A2M: variants seen among roughly 807,000 people sequenced by gnomAD.
The protein encoded by A2M is C3 and PZP-like alpha-2-macroglobulin domain-containing protein 5.
In A2M, 128 loss-of-function variants were observed where a neutral mutation model predicts 183.9. That is an observed-to-expected ratio of 0.70 (90% CI 0.60 to 0.81). The LOEUF (loss-of-function observed/expected upper bound fraction) is 0.81, where lower values mean the gene tolerates loss of function less well. A2M is among the 30% of genes least tolerant of loss of function. A2M has a pLI of 0.00. For missense variants in A2M, 1,495 were observed against 1,787.6 expected (o/e 0.84, Z 2.95); for synonymous variants, 592 against 670.8 (o/e 0.88, Z 1.81).
chr12:9,094,851 C>G (rs1239110163), intron 17 of A2M, 122 bp downstream of exon 17: 2 of 474,456 alleles, frequency 4.2e-6, no homozygotes, highest in East Asian at 6.8e-5. Context: ...TGAGCAATAA[C>G]CTTAATATGT....
chr12:9,116,115 C>G, upstream of A2M: 1 of 430,930 alleles, frequency 2.3e-6, no homozygotes, highest in Admixed American at 3.3e-5. Flanking sequence ...TTCCCATTCC[C>G]GTAAGAGCTC....
intron 24 of A2M, 126 bp downstream of exon 24, chr12:9,079,513 A>T: frequency 1.8e-6 from 2 of 1,083,668 alleles, no homozygotes; most frequent in South Asian, 3.2e-5. Flanking sequence ...CCTTGAAATT[A>T]ACTATCATAG....
At chr12:9,068,623 C>CA in intron 34 of A2M, 117 bp downstream of exon 34, 1 of 848,582 alleles carries the variant, frequency 1.2e-6, no homozygotes, top group Non-Finnish European at 1.9e-6. Context: ...TTGATGGAGA[C>CA]AAAATGAAGT....
chr12:9,068,751 TAA>T lies in A2M; in HGVS notation c.4353_4354del (p.Asp1451GlufsTer6). The stretch of plus-strand genomic sequence containing the variant: ...TCACTCTCACTCACCCGTCTCGTAG[TAA>T]TCATAGACTTTCACTATGGCTGGTT... On this transcript the variant is annotated frameshift_variant, in exon 34 of 36. Transcript: ENST00000318602. LOFTEE classifies it high-confidence loss of function. 1 of 1,603,022 alleles carries T rather than the reference TAA, an allele frequency of 6.2e-7. No individual in the cohort carries two copies. The highest frequency in any genetic ancestry group is 8.5e-7 in the Non-Finnish European group (1 of 1,173,860).
rs758320066 is a variant in A2M at position 9,077,353 on chromosome 12, G to C, written c.3344C>G (p.Thr1115Arg). The change falls in exon 27 of 36, where the codon ACA becomes AGA. Residue 1115 changes from threonine to arginine, a missense_variant. Coordinates refer to ENST00000318602, the MANE Select transcript of A2M (RefSeq NM_000014.6). ...ITIALLEIPL[T>R]VTHPVVRNAL... ...GAATGGGGTGGTACCTACAGTGACT[G>C]TGAGAGGAATCTCCAGAAGGGCGAT... 6.2e-7 allele frequency: 1 copy of C among 1,613,082 alleles called. No individual in the cohort carries two copies. Among genetic ancestry groups the C allele is most frequent in the Non-Finnish European group, 8.5e-7 (1 of 1,179,476 alleles).
intron 15 of A2M, among the ~76,000 whole-genome samples, chr12:9,096,125 G>A (rs747016183): frequency 2.1e-4 from 32 of 152,226 alleles, no homozygotes; most frequent in Non-Finnish European, 3.5e-4. Context: ...TTCTTTGAGC[G>A]CTCTCATTGC....
At chr12:9,075,581 G>A (rs945165300) in intron 28 of A2M, among the ~76,000 whole-genome samples, 5 of 145,036 alleles carry the variant, frequency 3.4e-5, no homozygotes, top group African/African-American at 1.4e-4. Context: ...ACATAGTGTT[G>A]AACTTAGAAA....
chr12:9,098,817 C>T (rs1297866343), intron 14 of A2M, 61 bp from the exon 15 acceptor site: 7 of 1,570,572 alleles, frequency 4.5e-6, no homozygotes, highest in African/African-American at 4.0e-5. Flanking sequence ...TGCATTCACT[C>T]GCATTTGCAG....
chr12:9,105,150 A>G (rs1389042422), intron 10 of A2M, among the ~76,000 whole-genome samples: 1 of 152,182 alleles, frequency 6.6e-6, no homozygotes, highest in Non-Finnish European at 1.5e-5. Context: ...ATTCTTTTTC[A>G]GTATAAGCTA....
chr12:9,070,563 G>A lies in A2M; in HGVS notation c.4119C>T (p.Arg1373=), dbSNP rs770975826. The A allele has an allele frequency of 3.1e-6, 5 of 1,613,590 alleles. No homozygotes were observed. Among genetic ancestry groups the A allele is most frequent in the Non-Finnish European group, 4.2e-6 (5 of 1,179,642 alleles). Residue 1373 remains arginine, a synonymous_variant, in exon 32 of 36, where the codon CGC becomes CGT. Coordinates refer to ENST00000318602, the MANE Select transcript of A2M (RefSeq NM_000014.6). ...ISLSVSYTGS[R]SASNMAIVDV... ...CAACGATCGCCATGTTGGAGGCAGAGCGGCTCCCTGTGTAACTGAGGATCC... is the reference window on the plus strand; with the variant it reads ...CAACGATCGCCATGTTGGAGGCAGAACGGCTCCCTGTGTAACTGAGGATCC...
chr12:9,098,554 C>G (rs1949454320), intron 15 of A2M, 53 bp downstream of exon 15: 11 of 1,548,534 alleles, frequency 7.1e-6, no homozygotes, highest in Non-Finnish European at 9.6e-6. Flanking sequence ...TTTTTCCTTG[C>G]TCTGAGCCCC....
Position 9,101,543 on chromosome 12 carries a change from A to G in A2M, c.1398T>C (p.His466=), listed in dbSNP as rs1937851657. The G allele has an allele frequency of 1.2e-6, 2 of 1,614,012 alleles. No individual in the cohort carries two copies. The highest frequency in any genetic ancestry group is 1.7e-6 in the Non-Finnish European group (2 of 1,179,900). The part of the protein sequence containing the change: ...KSFVHLEPMS[H]ELPCGHTQTV... Reference sequence around the variant, plus strand: ...TCTGAGTATGGCCACAGGGTAGTTCATGAGACATGGGCTCAAGGTGGACAA... The same window carrying G: ...TCTGAGTATGGCCACAGGGTAGTTCGTGAGACATGGGCTCAAGGTGGACAA... The change falls in exon 12 of 36, where the codon CAT becomes CAC. Residue 466 remains histidine, a synonymous_variant. Coordinates refer to ENST00000318602, the MANE Select transcript of A2M (RefSeq NM_000014.6).
intron 15 of A2M, among the ~76,000 whole-genome samples, chr12:9,096,451 T>C (rs1171796905): frequency 6.6e-6 from 1 of 152,248 alleles, no homozygotes; most frequent in East Asian, 1.9e-4. Context: ...AATGGGTGCA[T>C]GTTCTAAACA....
In A2M at chr12:9,093,568, T is replaced by C; in HGVS notation, c.2137A>G (p.Met713Val). 1.3e-6 allele frequency: 2 copies of C among 1,597,928 alleles called. No homozygotes were observed. Among genetic ancestry groups the C allele is most frequent in the Non-Finnish European group, 8.5e-7 (1 of 1,172,102 alleles). Residue 713 changes from methionine to valine, a missense_variant, in exon 18 of 36, where the codon ATG becomes GTG. Met to Val is a conservative substitution (Grantham distance 21). Transcript: ENST00000318602. The part of the protein sequence containing the change: ...LRVGFYESDV[M>V]GRGHARLVHV... ...ACCAGGCGTGCATGGCCTCTTCCCA[T>C]TACATCTGACTCTATGGTGAGTGAG...
At chr12:9,083,653 A>T (rs781349442) in intron 22 of A2M, among the ~76,000 whole-genome samples, 13 of 151,936 alleles carry the variant, frequency 8.6e-5, no homozygotes, top group Non-Finnish European at 1.6e-4. Context: ...ATGGGACATC[A>T]TCATGAAATC....
intron 18 of A2M, among the ~76,000 whole-genome samples, chr12:9,092,196 C>T (rs1949232900): frequency 6.6e-6 from 1 of 152,064 alleles, no homozygotes; most frequent in Non-Finnish European, 1.5e-5. Context: ...TCCCCTGGCT[C>T]GCCCCACGGA....
At chr12:9,098,471 C>G in intron 15 of A2M, 136 bp downstream of exon 15, 3 of 875,548 alleles carry the variant, frequency 3.4e-6, no homozygotes, top group Non-Finnish European at 4.8e-6. Context: ...AATGAAAGCC[C>G]ACAAGAGAGC....
At chr12:9,085,279 A>G (rs764716231) in intron 22 of A2M, among the ~76,000 whole-genome samples, 1 of 152,270 alleles carries the variant, frequency 6.6e-6, no homozygotes, top group Admixed American at 6.5e-5. Context: ...AGCAAATTTA[A>G]GAAGACTGAA....
intron 11 of A2M, among the ~76,000 whole-genome samples, chr12:9,102,202 C>T (rs966884979): frequency 2.0e-5 from 3 of 152,270 alleles, no homozygotes; most frequent in Admixed American, 1.3e-4. Flanking sequence ...TCTGGGCTAT[C>T]TTAGGCTGAT....
Sources: gnomAD v4.1 joint callset for allele counts (sites outside exome capture counted in the v4.1 genomes callset) on GRCh38, gnomAD v4.1.1 for gene constraint, MANE v1.5 for transcripts, NCBI Gene and HGNC (gene_info 2026-07-23, HGNC 2026-07-21) for gene names.